The following GALNT17 variants were observed in gnomAD, a reference collection of about 807,000 sequenced individuals.
GALNT17 encodes the protein UDP-GalNAc:polypeptide N-acetylgalactosaminyltransferase-like 3.
Under a neutral mutation model 63.7 loss-of-function variants are expected in GALNT17, and 29 were observed. The observed-to-expected ratio is 0.46, with a 90% CI of 0.34 to 0.62. GALNT17 has a LOEUF of 0.62. Among genes scored for constraint, GALNT17 ranks in the 20% least tolerant of loss-of-function variants. The pLI, the probability that GALNT17 is intolerant of heterozygous loss-of-function variation, is 0.01. For missense variants in GALNT17, 603 were observed against 799.6 expected, an observed-to-expected ratio of 0.75 and a Z score of 2.97; for synonymous variants, 305 against 318.3, an observed-to-expected ratio of 0.96 and a Z score of 0.45.
chr7:71,313,103 C>A (rs751038739), intron 1 of GALNT17, among the ~76,000 whole-genome samples: 1 of 152,076 alleles, frequency 6.6e-6, no homozygotes, highest in Non-Finnish European at 1.5e-5. Context: ...GAGCGAGACC[C>A]CGTATCTTTA....
intron 1 of GALNT17, among the ~76,000 whole-genome samples, chr7:71,298,098 G>A (rs1380422006): frequency 6.6e-6 from 1 of 152,178 alleles, no homozygotes; most frequent in African/African-American, 2.4e-5. Context: ...TTGGCTTACT[G>A]CAACCTCCGC....
intron 1 of GALNT17, among the ~76,000 whole-genome samples, chr7:71,303,304 C>G (rs1465131172): frequency 6.6e-6 from 1 of 152,116 alleles, no homozygotes; most frequent in African/African-American, 2.4e-5. Flanking sequence ...TAGGTGAACA[C>G]CACTACACCC....
chr7:71,663,787 A>G (rs1790942778), intron 6 of GALNT17, among the ~76,000 whole-genome samples: 1 of 152,230 alleles, frequency 6.6e-6, no homozygotes, highest in Non-Finnish European at 1.5e-5. Context: ...TAGACACTCA[A>G]GAGTGTCCCA....
chr7:71,618,536 G>A (rs1362259422), intron 6 of GALNT17, among the ~76,000 whole-genome samples: 1 of 151,982 alleles, frequency 6.6e-6, no homozygotes, highest in Non-Finnish European at 1.5e-5. Flanking sequence ...ATCTCACTGT[G>A]GTTTTGATTT....
chr7:71,553,708 C>G (rs990806185), intron 5 of GALNT17, among the ~76,000 whole-genome samples: 2 of 152,210 alleles, frequency 1.3e-5, no homozygotes, highest in African/African-American at 4.8e-5. Flanking sequence ...AACTTGCTCT[C>G]CAGCCCTCGT....
intron 2 of GALNT17, among the ~76,000 whole-genome samples, chr7:71,378,783 A>C (rs746105267): frequency 2.0e-5 from 3 of 151,916 alleles, no homozygotes; most frequent in Non-Finnish European, 4.4e-5. Context: ...CAGGAGTTGG[A>C]GACCAGCCTG....
intron 5 of GALNT17, among the ~76,000 whole-genome samples, chr7:71,552,567 C>T (rs1490781426): frequency 1.3e-5 from 2 of 151,516 alleles, no homozygotes; most frequent in Non-Finnish European, 2.9e-5. Flanking sequence ...CAGCCCCCCT[C>T]GTAGCTAGGA....
chr7:71,583,100 C>T (rs781241968), intron 6 of GALNT17, among the ~76,000 whole-genome samples: 14 of 152,096 alleles, frequency 9.2e-5, no homozygotes, highest in Non-Finnish European at 1.9e-4. Context: ...CTGCTCCATA[C>T]TCCAATTTCA....
intron 2 of GALNT17, among the ~76,000 whole-genome samples, chr7:71,354,057 T>C (rs1163861753): frequency 6.6e-6 from 1 of 152,064 alleles, no homozygotes. Context: ...CAACCAGATC[T>C]TATGAGAACT....
intron 1 of GALNT17, among the ~76,000 whole-genome samples, chr7:71,310,751 G>C (rs1261784779): frequency 6.6e-6 from 1 of 152,166 alleles, no homozygotes; most frequent in African/African-American, 2.4e-5. Flanking sequence ...CTTTCTATTG[G>C]CCCTACCAGA....
At chr7:71,530,437 G>A (rs1436677662) in intron 5 of GALNT17, among the ~76,000 whole-genome samples, 3 of 152,124 alleles carry the variant, frequency 2.0e-5, no homozygotes, top group Non-Finnish European at 2.9e-5. Context: ...TATTCTTAAC[G>A]TGTAGTCTAG....
intron 1 of GALNT17, among the ~76,000 whole-genome samples, chr7:71,312,792 T>C (rs1042090918): frequency 2.6e-5 from 4 of 152,148 alleles, no homozygotes; most frequent in African/African-American, 7.2e-5. Context: ...GAATTCAACA[T>C]AGGTATTTTG....
At chr7:71,496,336 C>T (rs4129605) in intron 5 of GALNT17, among the ~76,000 whole-genome samples, 83,245 of 151,404 alleles carry the variant, frequency 0.55, 24,099 homozygotes, top group Non-Finnish European at 0.66. Flanking sequence ...AGTTGGAGAC[C>T]GGGCTGTCTT....
At chr7:71,553,714 C>T (rs939232505) in intron 5 of GALNT17, among the ~76,000 whole-genome samples, 2 of 152,192 alleles carry the variant, frequency 1.3e-5, no homozygotes, top group Non-Finnish European at 2.9e-5. Flanking sequence ...CTCTCCAGCC[C>T]TCGTGTTCAC....
At chr7:71,171,440 G>A (rs1207688871) in intron 1 of GALNT17, among the ~76,000 whole-genome samples, 1 of 152,152 alleles carries the variant, frequency 6.6e-6, no homozygotes, top group Non-Finnish European at 1.5e-5. Context: ...GTTCAGTGTT[G>A]CAGTCAGCTA....
chr7:71,319,769 T>A (rs1791570116), intron 1 of GALNT17, among the ~76,000 whole-genome samples: 1 of 152,190 alleles, frequency 6.6e-6, no homozygotes, highest in African/African-American at 2.4e-5. Context: ...CATGTATAAG[T>A]GAGTTGTTCT....
intron 5 of GALNT17, among the ~76,000 whole-genome samples, chr7:71,542,918 G>A (rs1788917549): frequency 1.3e-5 from 2 of 151,816 alleles, no homozygotes; most frequent in South Asian, 4.2e-4. Flanking sequence ...GATGTGTTGG[G>A]GGTCCCGATA....
intron 3 of GALNT17, among the ~76,000 whole-genome samples, chr7:71,409,977 G>C (rs1793400956): frequency 6.6e-6 from 1 of 152,072 alleles, no homozygotes; most frequent in Non-Finnish European, 1.5e-5. Flanking sequence ...CTTCTTGTGG[G>C]GTCCTTCAGA....
chr7:71,199,885 A>G (rs1179546740), intron 1 of GALNT17, among the ~76,000 whole-genome samples: 2 of 152,156 alleles, frequency 1.3e-5, no homozygotes, highest in African/African-American at 2.4e-5. Flanking sequence ...GCCATCCTCA[A>G]GGGGTTTATG....
Sources: allele counts gnomAD v4.1 joint callset (sites outside exome capture counted in the v4.1 genomes callset), GRCh38; gene constraint gnomAD v4.1.1; transcripts MANE v1.5; gene names NCBI Gene and HGNC (gene_info 2026-07-23, HGNC 2026-07-21).